The following ERI3 variants were observed in gnomAD, a reference collection of about 807,000 sequenced individuals.
The protein encoded by ERI3 is ERI1 exoribonuclease family member 3.
Under a neutral mutation model 44.4 loss-of-function variants are expected in ERI3, and 18 were observed. The observed-to-expected ratio is 0.41, with a 90% confidence interval of 0.28 to 0.60. The LOEUF (loss-of-function observed/expected upper bound fraction) is 0.60, where lower values mean the gene tolerates loss of function less well. Ranked by LOEUF, ERI3 falls within the 20% of genes least tolerant of loss-of-function variation. ERI3 has a pLI of 0.36. For synonymous variants in ERI3, 183 were observed against 164.8 expected, an observed-to-expected ratio of 1.11 and a Z score of -0.84; for missense variants, 294 against 435.5, an observed-to-expected ratio of 0.68 and a Z score of 2.89.
chr1:44,333,279 C>A (rs563977145), intron 3 of ERI3, among the ~76,000 whole-genome samples: 8 of 152,326 alleles, frequency 5.3e-5, no homozygotes, highest in African/African-American at 1.9e-4. Flanking sequence ...GTTACATTAA[C>A]GTCGGTTTTG....
intron 2 of ERI3, among the ~76,000 whole-genome samples, chr1:44,340,064 A>T (rs1458294971): frequency 6.6e-6 from 1 of 151,780 alleles, no homozygotes; most frequent in Non-Finnish European, 1.5e-5. Flanking sequence ...GGGACTTTTT[A>T]AATAGGGAAG....
chr1:44,325,600 A>C lies in ERI3; in HGVS notation c.490-5856T>G, dbSNP rs1018347132. On this transcript the variant is annotated intron_variant, in intron 3 of 8. Transcript: ENST00000372257. ...AGAATAACAACAAGAGGATTTAAGC[A>C]GAAGGCACTCAGGTTAGACTGTTGG... is the stretch of plus-strand genomic sequence containing the variant. Among the ~76,000 whole-genome samples, 38 of 152,364 alleles carry C rather than the reference A, an allele frequency of 2.5e-4. 1 individual carries two copies. Among genetic ancestry groups the C allele is most frequent in the African/African-American group, 8.7e-4 (36 of 41,600 alleles).
At chr1:44,321,326 G>C (rs1026779381) in intron 3 of ERI3, among the ~76,000 whole-genome samples, 1 of 152,144 alleles carries the variant, frequency 6.6e-6, no homozygotes, top group Non-Finnish European at 1.5e-5. Flanking sequence ...TATTCCCAGA[G>C]ATAGAAAGGG....
At position 44,227,470 on chromosome 1, in the gene ERI3, C is replaced by T. The variant is rs567479122; in HGVS notation, c.932-5830G>A. Among the ~76,000 whole-genome samples the T allele has an allele frequency of 3.3e-5, 5 of 152,278 alleles. No individual in the cohort carries two copies. In the South Asian group the frequency reaches 1.0e-3, roughly 32 times the overall value. On this transcript the variant is annotated intron_variant, in intron 8 of 8. Transcript: ENST00000372257. ...CCTGGCAGCAGTAATGCCCTGAGAGCAAAGTGCCAGTGCCTAGGCCTGCTT... is the reference window on the plus strand; with the variant it reads ...CCTGGCAGCAGTAATGCCCTGAGAGTAAAGTGCCAGTGCCTAGGCCTGCTT...
chr1:44,283,570 C>G (rs893060599), intron 7 of ERI3, among the ~76,000 whole-genome samples: 3 of 152,140 alleles, frequency 2.0e-5, no homozygotes, highest in Non-Finnish European at 4.4e-5. Context: ...GAGTGCGTAG[C>G]TTTTTCAGCA....
At chr1:44,309,914 G>C (rs1327185064) in intron 5 of ERI3, among the ~76,000 whole-genome samples, 2 of 151,300 alleles carry the variant, frequency 1.3e-5, no homozygotes, top group Admixed American at 1.3e-4. Flanking sequence ...ATGCAGGATT[G>C]GAAGTCAGAC....
chr1:44,306,930 A>T (rs1572236470), intron 6 of ERI3, among the ~76,000 whole-genome samples: 1 of 152,184 alleles, frequency 6.6e-6, no homozygotes, highest in African/African-American at 2.4e-5. Context: ...AATCCACATT[A>T]AGTCCCTTCC....
chr1:44,259,689 G>GACACACAGACACACACACACACAC (rs1553185530), intron 7 of ERI3, among the ~76,000 whole-genome samples: 1 of 140,282 alleles, frequency 7.1e-6, no homozygotes, highest in Non-Finnish European at 1.5e-5. Flanking sequence ...AAAACACACA[G>GACACACAGACACACACACACACAC]ACACACACAC....
chr1:44,267,634 G>A (rs1645014798), intron 7 of ERI3, among the ~76,000 whole-genome samples: 1 of 152,200 alleles, frequency 6.6e-6, no homozygotes, highest in Non-Finnish European at 1.5e-5. Flanking sequence ...CACACCACTG[G>A]GGAGGCCTCA....
intron 7 of ERI3, among the ~76,000 whole-genome samples, chr1:44,265,166 T>C (rs1360391259): frequency 1.3e-5 from 2 of 151,632 alleles, no homozygotes; most frequent in Non-Finnish European, 2.9e-5. Flanking sequence ...ACAAGTGGAG[T>C]CAGTGTTGAG....
intron 8 of ERI3, among the ~76,000 whole-genome samples, chr1:44,247,590 C>T (rs538300932): frequency 3.3e-5 from 5 of 152,320 alleles, no homozygotes; most frequent in South Asian, 2.1e-4. Context: ...ACAGCCTCCT[C>T]CAGCTCCATG....
At chr1:44,272,744 G>A (rs972900641) in intron 7 of ERI3, among the ~76,000 whole-genome samples, 1 of 151,988 alleles carries the variant, frequency 6.6e-6, no homozygotes. Flanking sequence ...TGGCGGCTGA[G>A]CATGAGAATC....
chr1:44,341,090 T>C (rs1646643514), intron 2 of ERI3, among the ~76,000 whole-genome samples: 1 of 152,222 alleles, frequency 6.6e-6, no homozygotes, highest in South Asian at 2.1e-4. Context: ...GTGCACAGAA[T>C]ATGCGTAGTA....
intron 1 of ERI3, chr1:44,354,194 T>C: frequency 6.1e-6 from 6 of 985,460 alleles, no homozygotes; most frequent in Non-Finnish European, 7.2e-6. Context: ...ATAGGATTCA[T>C]GTTTTGCTGC....
At chr1:44,276,220 G>A (rs148981312) in intron 7 of ERI3, among the ~76,000 whole-genome samples, 1 of 152,204 alleles carries the variant, frequency 6.6e-6, no homozygotes, top group South Asian at 2.1e-4. Context: ...TCGAACATTA[G>A]GGATCAAATT....
intron 7 of ERI3, among the ~76,000 whole-genome samples, chr1:44,250,579 A>G (rs1644656570): frequency 6.6e-6 from 1 of 152,192 alleles, no homozygotes; most frequent in African/African-American, 2.4e-5. Context: ...GATGCCTTTC[A>G]GGAAGGGCAG....
rs1644748796 is a variant in ERI3 at position 44,254,789 on chromosome 1, C to T, written c.832-6751G>A. Among the ~76,000 whole-genome samples, 4 of 151,924 alleles carry T rather than the reference C, an allele frequency of 2.6e-5. No individual in the cohort carries two copies. In the South Asian group the frequency reaches 8.3e-4, roughly 32 times the overall value. ...TCCTTCCCCACCTGCTCCTTCACCT[C>T]CCCTGTTCTAACAGGGGAGACACTA... On this transcript the variant is annotated intron_variant, in intron 7 of 8. Coordinates refer to ENST00000372257, the MANE Select transcript of ERI3 (RefSeq NM_024066.3).
intron 1 of ERI3, chr1:44,354,240 A>G (rs1025634560): frequency 4.1e-6 from 4 of 985,330 alleles, no homozygotes; most frequent in Non-Finnish European, 2.4e-6. Flanking sequence ...GTCTGACAAG[A>G]GTAAATGCCA....
chr1:44,234,899 T>C lies in ERI3; in HGVS notation c.931+13040A>G, dbSNP rs553557795. On this transcript the variant is annotated intron_variant, in intron 8 of 8. Transcript: ENST00000372257. ...CTGGGATTACACGCGTGTGCCACCA[T>C]ACCCGGCCTAAGAGGCCCTTTAATG... Among the ~76,000 whole-genome samples the C allele has an allele frequency of 1.5e-3, 227 of 152,102 alleles. 1 individual carries two copies. Among genetic ancestry groups the C allele is most frequent in the Non-Finnish European group, 2.5e-3 (173 of 67,984 alleles).
Sources: allele counts gnomAD v4.1 joint callset (sites outside exome capture counted in the v4.1 genomes callset), GRCh38; gene constraint gnomAD v4.1.1; transcripts MANE v1.5; gene names NCBI Gene and HGNC (gene_info 2026-07-23, HGNC 2026-07-21).